The following MAF variants were observed in gnomAD, a reference collection of about 807,000 sequenced individuals.
The protein encoded by MAF is MAF bZIP transcription factor.
Under a neutral mutation model 22.0 loss-of-function variants are expected in MAF, and 10 were observed. That is an observed-to-expected ratio of 0.45 (90% confidence interval 0.28 to 0.77). The LOEUF (loss-of-function observed/expected upper bound fraction) is 0.77, where lower values mean the gene tolerates loss of function less well. MAF is among the 30% of genes least tolerant of loss of function. The probability of loss-of-function intolerance (pLI) is 0.12; values close to 1 mark genes in which losing one functional copy is unlikely to be tolerated. For missense variants in MAF, 544 were observed against 548.4 expected (o/e 0.99, Z 0.08); for synonymous variants, 337 against 255.8 (o/e 1.32, Z -3.03).
the MAF span, among the ~76,000 whole-genome samples, chr16:79,431,989 A>G: frequency 6.6e-6 from 1 of 152,018 alleles, no homozygotes; most frequent in Non-Finnish European, 1.5e-5. Context: ...CTAGATGCCT[A>G]AAACCACGGA....
At chr16:79,502,740 T>C in the MAF span, among the ~76,000 whole-genome samples, 5 of 88,174 alleles carry the variant, frequency 5.7e-5, no homozygotes, top group Admixed American at 1.1e-4. Context: ...TATATATATA[T>C]ATATATATAT....
chr16:79,355,623 C>G, the MAF span, among the ~76,000 whole-genome samples: 1 of 152,154 alleles, frequency 6.6e-6, no homozygotes, highest in South Asian at 2.1e-4. Context: ...AATAAGCATA[C>G]AGTAGGGACT....
chr16:79,355,227 G>A, the MAF span, among the ~76,000 whole-genome samples: 9 of 152,314 alleles, frequency 5.9e-5, no homozygotes, highest in South Asian at 4.1e-4. Context: ...TTCCCTGCTG[G>A]AAAACGTATC....
At chr16:79,321,857 C>G in the MAF span, among the ~76,000 whole-genome samples, 2 of 152,000 alleles carry the variant, frequency 1.3e-5, no homozygotes, top group East Asian at 3.9e-4. Context: ...GCCCGGCTGA[C>G]AGGGTGTATG....
the MAF span, among the ~76,000 whole-genome samples, chr16:79,522,792 G>A: frequency 6.6e-6 from 1 of 152,196 alleles, no homozygotes; most frequent in African/African-American, 2.4e-5. Flanking sequence ...TATCACGAAT[G>A]TTTTAAGGAT....
chr16:79,302,792 C>G, the MAF span, among the ~76,000 whole-genome samples: 1 of 152,244 alleles, frequency 6.6e-6, no homozygotes, highest in Non-Finnish European at 1.5e-5. Context: ...AGTCATCCAC[C>G]ATGCTTTCAG....
chr16:79,402,206 C>G, the MAF span, among the ~76,000 whole-genome samples: 1 of 152,116 alleles, frequency 6.6e-6, no homozygotes, highest in Non-Finnish European at 1.5e-5. Context: ...CTTCATAAGA[C>G]CTTTAGGAAG....
At chr16:79,385,778 G>C in the MAF span, among the ~76,000 whole-genome samples, 1 of 152,162 alleles carries the variant, frequency 6.6e-6, no homozygotes, top group South Asian at 2.1e-4. Context: ...GTACACGCCT[G>C]TAATCCCAGC....
At chr16:79,569,727 G>T in the MAF span, among the ~76,000 whole-genome samples, 1 of 152,180 alleles carries the variant, frequency 6.6e-6, no homozygotes, top group South Asian at 2.1e-4. Context: ...ACCACCCCAG[G>T]ATTATTTAAT....
chr16:79,562,140 C>T, the MAF span, among the ~76,000 whole-genome samples: 3 of 152,190 alleles, frequency 2.0e-5, no homozygotes, highest in Non-Finnish European at 2.9e-5. Flanking sequence ...CATAATCCTG[C>T]TCATCCCTAA....
chr16:79,260,039 G>T, the MAF span, among the ~76,000 whole-genome samples: 1 of 152,214 alleles, frequency 6.6e-6, no homozygotes, highest in East Asian at 1.9e-4. Flanking sequence ...TGGGCAGCTG[G>T]CTGGAAAATA....
At chr16:79,469,535 A>G in the MAF span, among the ~76,000 whole-genome samples, 6 of 152,196 alleles carry the variant, frequency 3.9e-5, no homozygotes, top group African/African-American at 7.2e-5. Context: ...AACTGAAAAA[A>G]TGGTCATTGC....
At chr16:79,350,014 C>G in the MAF span, among the ~76,000 whole-genome samples, 4 of 152,318 alleles carry the variant, frequency 2.6e-5, no homozygotes, top group African/African-American at 7.2e-5. Flanking sequence ...AAGTCACCTC[C>G]TCCAGGAAGC....
the MAF span, among the ~76,000 whole-genome samples, chr16:79,546,103 G>A: frequency 1.3e-5 from 2 of 151,942 alleles, no homozygotes; most frequent in African/African-American, 2.4e-5. Flanking sequence ...ACAAAATGTG[G>A]TATGAGTGTT....
downstream of MAF, among the ~76,000 whole-genome samples, chr16:79,585,222 T>C (rs1355544328): frequency 1.3e-5 from 2 of 152,162 alleles, no homozygotes; most frequent in South Asian, 2.1e-4. Context: ...TGAAAACCCA[T>C]TTAAATAGCT....
chr16:79,543,984 C>A, the MAF span, among the ~76,000 whole-genome samples: 2 of 151,584 alleles, frequency 1.3e-5, no homozygotes, highest in Admixed American at 6.6e-5. Flanking sequence ...CCGCACCTGG[C>A]CCAGGCCCTC....
the MAF span, among the ~76,000 whole-genome samples, chr16:79,535,498 A>G: frequency 6.6e-6 from 1 of 151,218 alleles, no homozygotes; most frequent in Non-Finnish European, 1.5e-5. Context: ...GAAAGGAAAT[A>G]TTAGAAAGTA....
chr16:79,381,933 T>C, the MAF span, among the ~76,000 whole-genome samples: 1 of 152,158 alleles, frequency 6.6e-6, no homozygotes, highest in Admixed American at 6.5e-5. Flanking sequence ...TTAACCCACA[T>C]CTGGCTCAAC....
At chr16:79,284,943 C>A in the MAF span, among the ~76,000 whole-genome samples, 1 of 152,150 alleles carries the variant, frequency 6.6e-6, no homozygotes. Context: ...CGAAGGCACG[C>A]GGCTCTCTTT....
Sources: allele counts gnomAD v4.1 joint callset (sites outside exome capture counted in the v4.1 genomes callset), GRCh38; gene constraint gnomAD v4.1.1; transcripts MANE v1.5; gene names NCBI Gene and HGNC (gene_info 2026-07-23, HGNC 2026-07-21).